ACSS3: variants seen among roughly 807,000 people sequenced by gnomAD.
ACSS3 encodes acyl-CoA synthetase short-chain family member 3, mitochondrial.
Under a neutral mutation model 84.2 loss-of-function variants are expected in ACSS3, and 64 were observed. That is an observed-to-expected ratio of 0.76 (90% CI 0.62 to 0.94). The LOEUF (loss-of-function observed/expected upper bound fraction) is 0.94, where lower values mean the gene tolerates loss of function less well. Among genes scored for constraint, ACSS3 ranks in the 40% least tolerant of loss-of-function variants. ACSS3 has a pLI of 0.00. For synonymous variants in ACSS3, 317 were observed against 310.1 expected (o/e 1.02, Z -0.23); for missense variants, 815 against 867.6 (o/e 0.94, Z 0.76).
rs181730761 is a variant in ACSS3 at position 81,185,637 on chromosome 12, G to T, written c.1250+10698G>T. 2.4e-3 allele frequency among the ~76,000 whole-genome samples: 370 copies of T among 151,514 alleles called. 1 individual carries two copies. The highest frequency in any genetic ancestry group is 4.8e-3 in the Non-Finnish European group (325 of 67,558). On this transcript the variant is annotated intron_variant, in intron 8 of 15. Transcript: ENST00000548058. ...ACTTTGGAATAATTTTAACCAAGGA[G>T]GTGGAAAACTATATTGGTACGGTAA...
chr12:81,132,310 G>T (rs1444175480), intron 2 of ACSS3, among the ~76,000 whole-genome samples: 1 of 152,102 alleles, frequency 6.6e-6, no homozygotes, highest in Non-Finnish European at 1.5e-5. Context: ...TTCAGAGCCT[G>T]TTGTTGGTGT....
intron 1 of ACSS3, among the ~76,000 whole-genome samples, chr12:81,083,845 C>A (rs74664034): frequency 6.6e-6 from 1 of 151,910 alleles, no homozygotes; most frequent in East Asian, 2.0e-4. Flanking sequence ...TGGCACACAC[C>A]GGTAATCCTA....
chr12:81,213,786 C>T (rs1416801698), intron 9 of ACSS3, among the ~76,000 whole-genome samples: 6 of 113,822 alleles, frequency 5.3e-5, no homozygotes, highest in Admixed American at 9.2e-5. Context: ...TCCTCCTTCT[C>T]TTCTCTTTTC....
intron 8 of ACSS3, among the ~76,000 whole-genome samples, chr12:81,181,487 G>GCAAGGGAACATGATGCCAC (rs2030918027): frequency 6.6e-6 from 1 of 152,116 alleles, no homozygotes; most frequent in Non-Finnish European, 1.5e-5. Flanking sequence ...ACATGAAAAT[G>GCAAGGGAACATGATGCCAC]CAAGGGAACA....
intron 11 of ACSS3, among the ~76,000 whole-genome samples, chr12:81,224,096 T>C (rs2033195402): frequency 6.6e-6 from 1 of 151,942 alleles, no homozygotes; most frequent in Admixed American, 6.6e-5. Context: ...CAATTCATAA[T>C]TGGATGAGTT....
intron 2 of ACSS3, among the ~76,000 whole-genome samples, chr12:81,130,534 GC>G (rs1201846422): frequency 6.6e-6 from 1 of 152,094 alleles, no homozygotes; most frequent in East Asian, 1.9e-4. Context: ...TTAGCTCTTT[GC>G]CAGATGGATA....
At position 81,127,059 on chromosome 12, in the gene ACSS3, A is replaced by G. The variant is rs972652734; in HGVS notation, c.457-7757A>G. ...ATAAATAATAATACATTTTACTTGTAAGTGTAAATGTAATGTTTTCATCTT... is the reference window on the plus strand; with the variant it reads ...ATAAATAATAATACATTTTACTTGTGAGTGTAAATGTAATGTTTTCATCTT... On this transcript the variant is annotated intron_variant, in intron 2 of 15. Coordinates refer to ENST00000548058, the MANE Select transcript of ACSS3 (RefSeq NM_024560.4). Among the ~76,000 whole-genome samples the G allele has an allele frequency of 2.0e-5, 3 of 151,770 alleles. No individual in the cohort carries two copies. In the East Asian group the frequency reaches 5.8e-4, roughly 29 times the overall value.
intron 9 of ACSS3, among the ~76,000 whole-genome samples, chr12:81,200,865 G>A (rs865901043): frequency 1.4e-5 from 2 of 143,468 alleles, no homozygotes; most frequent in Middle Eastern, 7.5e-3. Context: ...TTGCACTCCA[G>A]CCTGGGCAAC....
At chr12:81,185,764 A>G (rs1253807320) in intron 8 of ACSS3, among the ~76,000 whole-genome samples, 2 of 151,806 alleles carry the variant, frequency 1.3e-5, no homozygotes, top group African/African-American at 2.4e-5. Context: ...ATTTAATATT[A>G]TTAAAATATC....
chr12:81,156,613 A>G (rs573745756), intron 7 of ACSS3, among the ~76,000 whole-genome samples: 7 of 152,316 alleles, frequency 4.6e-5, no homozygotes, highest in Non-Finnish European at 8.8e-5. Context: ...AACAGTAGAT[A>G]TCACTAAAGA....
intron 9 of ACSS3, among the ~76,000 whole-genome samples, chr12:81,200,818 CAGG>C (rs2032064339): frequency 6.8e-6 from 1 of 147,484 alleles, no homozygotes; most frequent in South Asian, 2.1e-4. Context: ...TGCTTGAACC[CAGG>C]AGGAGGAGGT....
chr12:81,109,442 T>C (rs1883380406), intron 1 of ACSS3, 118 bp from the exon 2 acceptor site: 13 of 1,084,640 alleles, frequency 1.2e-5, no homozygotes, highest in Non-Finnish European at 1.7e-5. Context: ...TGACATAGAA[T>C]GCACTAGGAA....
chr12:81,083,433 C>T (rs73145380), intron 1 of ACSS3, among the ~76,000 whole-genome samples: 62,491 of 149,748 alleles, frequency 0.42, 15,035 homozygotes, highest in Non-Finnish European at 0.56. Context: ...TCTCTGCTCA[C>T]TGCAACCTCC....
intron 10 of ACSS3, among the ~76,000 whole-genome samples, chr12:81,218,635 C>T (rs2033004100): frequency 6.6e-6 from 1 of 152,096 alleles, no homozygotes; most frequent in East Asian, 1.9e-4. Context: ...AGTCTGTCAT[C>T]TCTGCTCCTT....
intron 9 of ACSS3, among the ~76,000 whole-genome samples, chr12:81,212,258 G>A (rs1460914180): frequency 6.6e-6 from 1 of 152,084 alleles, no homozygotes; most frequent in Non-Finnish European, 1.5e-5. Context: ...TAGAAATTTT[G>A]GCTACTTTTG....
intron 9 of ACSS3, among the ~76,000 whole-genome samples, chr12:81,205,118 C>G (rs1384626546): frequency 6.6e-6 from 1 of 152,066 alleles, no homozygotes; most frequent in African/African-American, 2.4e-5. Context: ...AGTCTATATA[C>G]AGCCTAACTC....
At chr12:81,132,244 A>G (rs1885551609) in intron 2 of ACSS3, among the ~76,000 whole-genome samples, 1 of 152,030 alleles carries the variant, frequency 6.6e-6, no homozygotes, top group East Asian at 1.9e-4. Flanking sequence ...TTGGCTGTGA[A>G]TCTGTCTGGT....
intron 13 of ACSS3, among the ~76,000 whole-genome samples, chr12:81,248,391 C>G (rs2034049955): frequency 6.6e-6 from 1 of 151,856 alleles, no homozygotes; most frequent in African/African-American, 2.4e-5. Flanking sequence ...ATAATAAAAT[C>G]CTGCCATTTG....
chr12:81,166,687 T>C (rs1455621923), intron 7 of ACSS3, among the ~76,000 whole-genome samples: 2 of 152,190 alleles, frequency 1.3e-5, no homozygotes, highest in Non-Finnish European at 2.9e-5. Context: ...TAGCCCCTTT[T>C]ATGAGGGCAA....
Sources: gnomAD v4.1 joint callset for allele counts (sites outside exome capture counted in the v4.1 genomes callset) on GRCh38, gnomAD v4.1.1 for gene constraint, MANE v1.5 for transcripts, NCBI Gene and HGNC (gene_info 2026-07-23, HGNC 2026-07-21) for gene names.